LEKR1: variants seen among roughly 807,000 people sequenced by gnomAD.
LEKR1 encodes the protein protein LEKR1.
In LEKR1, 59 loss-of-function variants were observed where a neutral mutation model predicts 72.4. The observed-to-expected ratio is 0.82, with a 90% CI of 0.66 to 1.01. The LOEUF (loss-of-function observed/expected upper bound fraction) is 1.01. LEKR1 is among the 50% of genes least tolerant of loss of function. The pLI is 0.00. For missense variants in LEKR1, 728 were observed against 759.2 expected (o/e 0.96, Z 0.48); for synonymous variants, 257 against 263.2 (o/e 0.98, Z 0.23).
chr3:156,986,855 A>G (rs931538563), intron 7 of LEKR1, among the ~76,000 whole-genome samples: 2 of 152,316 alleles, frequency 1.3e-5, no homozygotes, highest in South Asian at 2.1e-4. Context: ...AAAGAAGCAG[A>G]TAAGGGAGTG....
At chr3:156,975,675 A>G (rs1050696169) in intron 6 of LEKR1, among the ~76,000 whole-genome samples, 4 of 152,206 alleles carry the variant, frequency 2.6e-5, no homozygotes, top group African/African-American at 7.2e-5. Context: ...GCTATCCAGC[A>G]AACAGCTGGC....
rs1233869887 is a variant in LEKR1, at chr3:156,982,242, T to C, written c.827+2967T>C. 2.0e-5 allele frequency among the ~76,000 whole-genome samples: 3 copies of C among 152,204 alleles called. No individual in the cohort carries two copies. In the East Asian group the frequency reaches 5.8e-4, roughly 29 times the overall value. ...TCAGCAATATCCCCAAGGATCTTGATGTTCTTTCTGTCTCCATCCTGCTGC... is the reference window on the plus strand; with the variant it reads ...TCAGCAATATCCCCAAGGATCTTGACGTTCTTTCTGTCTCCATCCTGCTGC... On this transcript the variant is annotated intron_variant, in intron 7 of 12. Transcript: ENST00000356539.
Position 157,016,382 on chromosome 3 carries a change from A to T in LEKR1, c.1203+4876A>T, listed in dbSNP as rs1036354300. 3.9e-5 allele frequency among the ~76,000 whole-genome samples: 6 copies of T among 152,224 alleles called. No homozygotes were observed. In the East Asian group the frequency reaches 5.8e-4, roughly 15 times the overall value. On this transcript the variant is annotated intron_variant, in intron 10 of 12. Transcript: ENST00000356539. Reference sequence around the variant, plus strand: ...GGAAAGGAGACAGCAGATTTTTTTTAAAATCAGAAACAATGCAAGCAAAAA... The same window carrying T: ...GGAAAGGAGACAGCAGATTTTTTTTTAAATCAGAAACAATGCAAGCAAAAA...
intron 9 of LEKR1, among the ~76,000 whole-genome samples, chr3:157,005,692 A>G (rs1732367361): frequency 6.6e-6 from 1 of 152,142 alleles, no homozygotes; most frequent in Non-Finnish European, 1.5e-5. Context: ...AAAGAGATAA[A>G]TTCAACTTTA....
chr3:156,987,050 T>TTGTATTGTAA (rs1730755675), intron 7 of LEKR1, among the ~76,000 whole-genome samples: 1 of 151,418 alleles, frequency 6.6e-6, no homozygotes, highest in Non-Finnish European at 1.5e-5. Context: ...TTGTATTGTA[T>TTGTATTGTAA]TGTATTGTAT....
chr3:156,954,335 T>A (rs1727429143), intron 6 of LEKR1, among the ~76,000 whole-genome samples: 1 of 152,094 alleles, frequency 6.6e-6, no homozygotes, highest in African/African-American at 2.4e-5. Context: ...TATTAATAGT[T>A]TATTTTGCTG....
At chr3:157,034,553 G>A (rs1442015734) in intron 12 of LEKR1, among the ~76,000 whole-genome samples, 2 of 152,208 alleles carry the variant, frequency 1.3e-5, no homozygotes, top group Non-Finnish European at 2.9e-5. Flanking sequence ...TTATAGATGA[G>A]CAAAGAAAGC....
At chr3:156,868,694 T>C (rs186091604) in intron 3 of LEKR1, among the ~76,000 whole-genome samples, 15 of 152,186 alleles carry the variant, frequency 9.9e-5, no homozygotes, top group Admixed American at 7.2e-4. Flanking sequence ...AAGTTGGGAA[T>C]ATTTCAAATT....
chr3:157,032,067 G>A (rs939398159), intron 12 of LEKR1, among the ~76,000 whole-genome samples: 2 of 151,966 alleles, frequency 1.3e-5, no homozygotes, highest in Non-Finnish European at 2.9e-5. Context: ...AGGAGGGAGG[G>A]AGGGAGAGAG....
At chr3:156,859,842 C>T (rs554665032) in intron 3 of LEKR1, among the ~76,000 whole-genome samples, 5 of 152,344 alleles carry the variant, frequency 3.3e-5, no homozygotes, top group South Asian at 2.1e-4. Flanking sequence ...GGCTGGAGTA[C>T]GGCAAGTACT....
chr3:156,827,602 A>G (rs1200944382), intron 1 of LEKR1, among the ~76,000 whole-genome samples: 1 of 152,238 alleles, frequency 6.6e-6, no homozygotes, highest in Non-Finnish European at 1.5e-5. Context: ...TCATTAGCAG[A>G]TTAGCCGTGA....
chr3:156,907,976 C>G (rs1415506603), intron 3 of LEKR1, among the ~76,000 whole-genome samples: 1 of 151,972 alleles, frequency 6.6e-6, no homozygotes, highest in Non-Finnish European at 1.5e-5. Context: ...CTTTTAAATA[C>G]TGGTCATTTA....
chr3:156,836,253 T>C (rs1713128910), intron 2 of LEKR1, among the ~76,000 whole-genome samples: 1 of 152,078 alleles, frequency 6.6e-6, no homozygotes, highest in South Asian at 2.1e-4. Flanking sequence ...TCATAAATTT[T>C]GAGAAGGATT....
intron 9 of LEKR1, 120 bp from the exon 10 acceptor site, chr3:157,011,293 T>C: frequency 1.5e-6 from 1 of 672,444 alleles, no homozygotes; most frequent in Non-Finnish European, 2.7e-6. Flanking sequence ...GCAGCATATA[T>C]ACTGCTGAAG....
chr3:156,869,299 A>C (rs1385054184), intron 3 of LEKR1, among the ~76,000 whole-genome samples: 4 of 152,092 alleles, frequency 2.6e-5, no homozygotes, highest in Non-Finnish European at 5.9e-5. Context: ...TGGCTGTACT[A>C]ATTTACATTC....
chr3:157,042,737 C>T (rs761538492), intron 12 of LEKR1, among the ~76,000 whole-genome samples: 2 of 152,108 alleles, frequency 1.3e-5, no homozygotes, highest in Non-Finnish European at 2.9e-5. Context: ...TTTATCATTC[C>T]ATATTGTTGT....
chr3:156,971,242 G>T (rs955454300), intron 6 of LEKR1, among the ~76,000 whole-genome samples: 15 of 152,138 alleles, frequency 9.9e-5, no homozygotes, highest in African/African-American at 3.4e-4. Context: ...AATGGGGAAA[G>T]GATTCCCTAT....
In LEKR1 at chr3:157,011,127, C is replaced by T. The variant is rs145205795; in HGVS notation, c.1110-286C>T. Among the ~76,000 whole-genome samples the T allele has an allele frequency of 4.4e-3, 664 of 152,164 alleles. 2 individuals are homozygous for T. Among genetic ancestry groups the T allele is most frequent in the African/African-American group, 0.015 (639 of 41,534 alleles). The stretch of plus-strand genomic sequence containing the variant: ...ACACATGAACAGCCAGAAGACATTT[C>T]ATTGTATTTGTGACTCTGCATATGT... On this transcript the variant is annotated intron_variant, in intron 9 of 12. Coordinates refer to ENST00000356539, the MANE Select transcript of LEKR1 (RefSeq NM_001004316.3).
intron 3 of LEKR1, among the ~76,000 whole-genome samples, chr3:156,892,574 C>T (rs137862700): frequency 1.3e-5 from 2 of 152,246 alleles, no homozygotes; most frequent in African/African-American, 4.8e-5. Context: ...CCAGAATATG[C>T]CATCTTCTTT....
Sources: gnomAD v4.1 joint callset for allele counts (sites outside exome capture counted in the v4.1 genomes callset) on GRCh38, gnomAD v4.1.1 for gene constraint, MANE v1.5 for transcripts, NCBI Gene and HGNC (gene_info 2026-07-23, HGNC 2026-07-21) for gene names.